The following DPH6 variants were observed in gnomAD, a reference collection of about 807,000 sequenced individuals.
DPH6 encodes the protein diphthine--ammonia ligase.
DPH6 carries 33 observed loss-of-function variants against 38.2 expected under a neutral mutation model. That is an observed-to-expected ratio of 0.86 (90% confidence interval 0.65 to 1.15). The LOEUF is 1.15. Ranked by LOEUF, DPH6 falls within the 50% of genes most tolerant of loss-of-function variation. The pLI is 0.00. For synonymous variants in DPH6, 108 were observed against 103.0 expected, an observed-to-expected ratio of 1.05 and a Z score of -0.30; for missense variants, 325 against 320.0, an observed-to-expected ratio of 1.02 and a Z score of -0.12.
chr15:35,154,118 A>G, the DPH6 span, among the ~76,000 whole-genome samples: 1 of 152,154 alleles, frequency 6.6e-6, no homozygotes, highest in African/African-American at 2.4e-5. Context: ...TCTATTGCAC[A>G]GTAGGGTGAA....
chr15:35,374,408 A>G (rs541308399), intron 7 of DPH6, among the ~76,000 whole-genome samples: 12 of 152,244 alleles, frequency 7.9e-5, no homozygotes, highest in African/African-American at 2.9e-4. Flanking sequence ...ATTGTAGTAC[A>G]GTAAAATAAA....
the DPH6 span, among the ~76,000 whole-genome samples, chr15:35,167,038 C>T: frequency 4.6e-5 from 7 of 151,980 alleles, no homozygotes; most frequent in Non-Finnish European, 1.0e-4. Flanking sequence ...GAATTCTCTT[C>T]GACAACCTCT....
At chr15:35,157,187 A>G in the DPH6 span, among the ~76,000 whole-genome samples, 1 of 152,142 alleles carries the variant, frequency 6.6e-6, no homozygotes, top group African/African-American at 2.4e-5. Flanking sequence ...CTTTTTAGGT[A>G]GGAGTTGCTC....
chr15:35,375,281 GA>G (rs1432420190), intron 7 of DPH6, among the ~76,000 whole-genome samples: 15 of 152,038 alleles, frequency 9.9e-5, no homozygotes, highest in African/African-American at 3.6e-4. Context: ...AGCACTAAAT[GA>G]AGAAGACTCC....
the DPH6 span, among the ~76,000 whole-genome samples, chr15:35,169,256 G>C: frequency 2.0e-5 from 3 of 151,998 alleles, no homozygotes; most frequent in African/African-American, 4.8e-5. Context: ...CGAGCATACA[G>C]GTGTAAAGAG....
downstream of DPH6, among the ~76,000 whole-genome samples, chr15:35,329,341 A>T (rs1444538715): frequency 6.6e-6 from 1 of 152,188 alleles, no homozygotes; most frequent in Non-Finnish European, 1.5e-5. Context: ...TGGATGAGAG[A>T]GGTGCCAGTT....
intron 3 of DPH6, among the ~76,000 whole-genome samples, chr15:35,320,377 A>G (rs2052229192): frequency 6.6e-6 from 1 of 152,076 alleles, no homozygotes; most frequent in Non-Finnish European, 1.5e-5. Context: ...ATATGGTTGG[A>G]TATCTTTTGA....
At chr15:35,185,101 C>T in the DPH6 span, among the ~76,000 whole-genome samples, 1 of 151,702 alleles carries the variant, frequency 6.6e-6, no homozygotes, top group East Asian at 1.9e-4. Context: ...AAAACTCAAT[C>T]CACAACAAAT....
chr15:35,285,889 T>TTTTTTTTTTA (rs1566859804), intron 3 of DPH6, among the ~76,000 whole-genome samples: 1 of 144,302 alleles, frequency 6.9e-6, no homozygotes, highest in Admixed American at 7.0e-5. Flanking sequence ...TTTTTTTTTT[T>TTTTTTTTTTA]ACCTGAGACC....
chr15:35,533,894 G>A (rs1004534223), intron 3 of DPH6, among the ~76,000 whole-genome samples: 1 of 152,006 alleles, frequency 6.6e-6, no homozygotes, highest in African/African-American at 2.4e-5. Flanking sequence ...AACCAAACTA[G>A]GCCACACTAT....
At chr15:35,368,448 T>C (rs532721824), downstream of DPH6, among the ~76,000 whole-genome samples, 12 of 152,004 alleles carry the variant, frequency 7.9e-5, no homozygotes, top group African/African-American at 2.9e-4. Context: ...TGAAGTACTA[T>C]TGTGGAATTT....
intron 3 of DPH6, among the ~76,000 whole-genome samples, chr15:35,341,162 A>G (rs1340458908): frequency 2.0e-5 from 3 of 152,016 alleles, no homozygotes; most frequent in Non-Finnish European, 4.4e-5. Flanking sequence ...CGCTCAGTCT[A>G]TTCTGCTATT....
intron 3 of DPH6, among the ~76,000 whole-genome samples, chr15:35,242,005 T>C (rs2051603263): frequency 6.9e-6 from 1 of 144,082 alleles, no homozygotes; most frequent in Non-Finnish European, 1.5e-5. Flanking sequence ...CACAATCCAT[T>C]ATTCTGTTCT....
Position 35,397,906 on chromosome 15 carries a change from C to CACACACACAT in DPH6, c.567+12928_567+12929insATGTGTGTGT, listed in dbSNP as rs1555398584. Among the ~76,000 whole-genome samples the CACACACACAT allele has an allele frequency of 8.6e-4, 127 of 147,178 alleles. 1 individual carries two copies. The highest frequency in any genetic ancestry group is 3.4e-3 in the Middle Eastern group (1 of 294). ...ACACACACACACACACACACACACA[C>CACACACACAT]ACACACACAAGATTCTGAGACCTCT... is the stretch of plus-strand genomic sequence containing the variant. On this transcript the variant is annotated intron_variant, in intron 6 of 8. Coordinates refer to ENST00000256538, the MANE Select transcript of DPH6 (RefSeq NM_080650.4).
intron 3 of DPH6, among the ~76,000 whole-genome samples, chr15:35,529,614 T>C (rs1324583252): frequency 2.0e-5 from 3 of 152,318 alleles, no homozygotes; most frequent in Non-Finnish European, 4.4e-5. Context: ...CTGTACCTTG[T>C]ATTAATTTCT....
chr15:35,479,554 C>T (rs2054302144), intron 3 of DPH6, among the ~76,000 whole-genome samples: 1 of 152,070 alleles, frequency 6.6e-6, no homozygotes, highest in Admixed American at 6.6e-5. Flanking sequence ...AAGACTTCTA[C>T]AAATTTCAGA....
At chr15:35,495,695 T>C (rs73382737) in intron 3 of DPH6, among the ~76,000 whole-genome samples, 4,641 of 152,204 alleles carry the variant, frequency 0.03, 234 homozygotes, top group African/African-American at 0.11. Context: ...ATAATCCCGC[T>C]CAAAATCCCA....
intron 3 of DPH6, chr15:35,237,348 A>T: frequency 1.9e-6 from 3 of 1,595,456 alleles, no homozygotes; most frequent in Non-Finnish European, 2.6e-6. Flanking sequence ...AGACGGATTC[A>T]TTTAGAGCTG....
In DPH6 at chr15:35,421,932, G is replaced by C. The variant is rs141342026; in HGVS notation, c.506-11036C>G. Among the ~76,000 whole-genome samples, 509 of 152,046 alleles carry C rather than the reference G, an allele frequency of 3.3e-3. 7 individuals are homozygous for C. The highest frequency in any genetic ancestry group is 0.025 in the Admixed American group (386 of 15,238). Reference sequence around the variant, plus strand: ...GTGCTGCAATAGACTAGATGAGAGAGGATGTAATAGACAAAGCATTAGTAT... The same window carrying C: ...GTGCTGCAATAGACTAGATGAGAGACGATGTAATAGACAAAGCATTAGTAT... On this transcript the variant is annotated intron_variant, in intron 5 of 8. Transcript: ENST00000256538.
Sources: allele counts gnomAD v4.1 joint callset (sites outside exome capture counted in the v4.1 genomes callset), GRCh38; gene constraint gnomAD v4.1.1; transcripts MANE v1.5; gene names NCBI Gene and HGNC (gene_info 2026-07-23, HGNC 2026-07-21).